KHDRBS2: variants seen among roughly 807,000 people sequenced by gnomAD.
The protein encoded by KHDRBS2 is KH RNA binding domain containing, signal transduction associated 2.
KHDRBS2 carries 26 observed loss-of-function variants against 44.3 expected under a neutral mutation model. The observed-to-expected ratio is 0.59, with a 90% confidence interval of 0.43 to 0.81. KHDRBS2 has a LOEUF of 0.81. Among genes scored for constraint, KHDRBS2 ranks in the 40% least tolerant of loss-of-function variants. The probability of loss-of-function intolerance (pLI) is 0.00; values close to 1 mark genes in which losing one functional copy is unlikely to be tolerated. For synonymous variants in KHDRBS2, 194 were observed against 151.1 expected (o/e 1.28, Z -2.08); for missense variants, 476 against 433.1 (o/e 1.10, Z -0.88).
chr6:61,969,315 G>A (rs1321871593), intron 4 of KHDRBS2, among the ~76,000 whole-genome samples: 2 of 151,962 alleles, frequency 1.3e-5, no homozygotes, highest in African/African-American at 4.8e-5. Context: ...TCACTAACAT[G>A]CACAGTTACT....
At chr6:61,604,149 G>C in the KHDRBS2 span, among the ~76,000 whole-genome samples, 2 of 152,138 alleles carry the variant, frequency 1.3e-5, no homozygotes, top group Non-Finnish European at 2.9e-5. Flanking sequence ...ATCCTGCACA[G>C]CCATGCTGTT....
At chr6:61,561,820 T>C in the KHDRBS2 span, among the ~76,000 whole-genome samples, 1 of 152,126 alleles carries the variant, frequency 6.6e-6, no homozygotes, top group Non-Finnish European at 1.5e-5. Flanking sequence ...ATCCACAATT[T>C]TGCCTACCAC....
chr6:62,061,530 T>G (rs1791880470), intron 2 of KHDRBS2, among the ~76,000 whole-genome samples: 1 of 148,712 alleles, frequency 6.7e-6, no homozygotes, highest in Non-Finnish European at 1.5e-5. Flanking sequence ...GTAGGGTTTC[T>G]GCCAAGAGAT....
intron 6 of KHDRBS2, among the ~76,000 whole-genome samples, chr6:61,820,250 A>G (rs1220308561): frequency 6.6e-6 from 1 of 151,998 alleles, no homozygotes; most frequent in African/African-American, 2.4e-5. Context: ...CTTTCATGAG[A>G]TTCTAGTTGA....
chr6:61,615,857 C>A, the KHDRBS2 span, among the ~76,000 whole-genome samples: 2 of 152,330 alleles, frequency 1.3e-5, no homozygotes, highest in African/African-American at 4.8e-5. Flanking sequence ...ATCCTACATG[C>A]ATTACCTACC....
the KHDRBS2 span, among the ~76,000 whole-genome samples, chr6:61,549,753 A>G: frequency 3.9e-5 from 6 of 152,168 alleles, no homozygotes; most frequent in African/African-American, 1.2e-4. Context: ...GATTATGAAT[A>G]TATTTTCTGA....
the KHDRBS2 span, among the ~76,000 whole-genome samples, chr6:61,556,730 G>A: frequency 2.7e-4 from 41 of 152,198 alleles, no homozygotes; most frequent in African/African-American, 9.1e-4. Context: ...GGGAACTTTG[G>A]TGTCTGGTAC....
chr6:61,975,795 C>T (rs1046541760), intron 4 of KHDRBS2, among the ~76,000 whole-genome samples: 8 of 152,022 alleles, frequency 5.3e-5, no homozygotes, highest in African/African-American at 9.7e-5. Flanking sequence ...AGTGATACTA[C>T]GTTCAAAATA....
At chr6:61,982,657 C>T (rs1188554898) in intron 3 of KHDRBS2, among the ~76,000 whole-genome samples, 5 of 148,130 alleles carry the variant, frequency 3.4e-5, no homozygotes, top group Non-Finnish European at 5.9e-5. Flanking sequence ...GGCGACAGAG[C>T]CAAACTCTGT....
intron 6 of KHDRBS2, among the ~76,000 whole-genome samples, chr6:61,809,246 T>C (rs1182866971): frequency 1.3e-5 from 2 of 152,120 alleles, no homozygotes; most frequent in Non-Finnish European, 1.5e-5. Flanking sequence ...ATAGAACAAA[T>C]TGTCAGACCA....
intron 6 of KHDRBS2, among the ~76,000 whole-genome samples, chr6:61,747,751 C>T (rs941770261): frequency 6.6e-6 from 1 of 152,020 alleles, no homozygotes; most frequent in South Asian, 2.1e-4. Flanking sequence ...TAACAATGCC[C>T]TTGTAGTCAT....
chr6:61,894,549 T>G, intron 6 of KHDRBS2, 86 bp downstream of exon 6: 1 of 1,062,390 alleles, frequency 9.4e-7, no homozygotes, highest in Non-Finnish European at 1.4e-6. Flanking sequence ...ACCTGCTATA[T>G]TCACGGTATA....
At chr6:61,749,218 T>A (rs1414867877) in intron 6 of KHDRBS2, among the ~76,000 whole-genome samples, 1 of 151,940 alleles carries the variant, frequency 6.6e-6, no homozygotes, top group Non-Finnish European at 1.5e-5. Context: ...TTCCGCCGTG[T>A]TAGCCAGGAT....
intron 2 of KHDRBS2, among the ~76,000 whole-genome samples, chr6:62,055,479 G>C (rs1157440867): frequency 6.6e-6 from 1 of 152,020 alleles, no homozygotes; most frequent in East Asian, 1.9e-4. Flanking sequence ...ATACGCACCT[G>C]TGGGAGTGTA....
chr6:61,629,313 C>T, the KHDRBS2 span, among the ~76,000 whole-genome samples: 2 of 152,136 alleles, frequency 1.3e-5, no homozygotes, highest in East Asian at 3.8e-4. Context: ...GAGAAAGAAT[C>T]ATGTCCCAAA....
In KHDRBS2 at chr6:62,237,150, A is replaced by C. The variant is rs1024382457; in HGVS notation, c.91+48708T>G. Among the ~76,000 whole-genome samples the C allele has an allele frequency of 2.8e-4, 42 of 152,196 alleles. 1 individual carries two copies. The highest frequency in any genetic ancestry group is 1.3e-4 in the Non-Finnish European group (9 of 68,028). Reference sequence around the variant, plus strand: ...CTGTTTTATATGGAAGAGACTCTAAAATCACATAAGCATAATTCTTTTTAA... The same window carrying C: ...CTGTTTTATATGGAAGAGACTCTAACATCACATAAGCATAATTCTTTTTAA... On this transcript the variant is annotated intron_variant, in intron 1 of 8. Transcript: ENST00000281156.
At chr6:61,834,062 C>A (rs1281286415) in intron 6 of KHDRBS2, among the ~76,000 whole-genome samples, 1 of 152,028 alleles carries the variant, frequency 6.6e-6, no homozygotes, top group Non-Finnish European at 1.5e-5. Context: ...AATGGAAAAT[C>A]ATTTTACTTC....
chr6:62,110,064 C>T (rs982077856), intron 2 of KHDRBS2, among the ~76,000 whole-genome samples: 2 of 151,752 alleles, frequency 1.3e-5, no homozygotes, highest in Non-Finnish European at 2.9e-5. Context: ...AATTTCTGCT[C>T]AAGTGGATAA....
At chr6:61,747,242 C>T (rs1777006632) in intron 6 of KHDRBS2, among the ~76,000 whole-genome samples, 1 of 152,124 alleles carries the variant, frequency 6.6e-6, no homozygotes, top group East Asian at 1.9e-4. Flanking sequence ...TTATCTAATT[C>T]AACTGGTGTT....
Sources: gnomAD v4.1 joint callset for allele counts (sites outside exome capture counted in the v4.1 genomes callset) on GRCh38, gnomAD v4.1.1 for gene constraint, MANE v1.5 for transcripts, NCBI Gene and HGNC (gene_info 2026-07-23, HGNC 2026-07-21) for gene names.